The following C12orf60 variants were observed in gnomAD, a reference collection of about 807,000 sequenced individuals.
C12orf60 encodes uncharacterized protein C12orf60.
For missense variants in C12orf60, 284 were observed against 283.2 expected, an observed-to-expected ratio of 1.00 and a Z score of -0.02; for synonymous variants, 102 against 94.6, an observed-to-expected ratio of 1.08 and a Z score of -0.45.
intron 1 of C12orf60, among the ~76,000 whole-genome samples, chr12:14,809,715 TA>T (rs137943124): frequency 6.7e-5 from 10 of 148,834 alleles, no homozygotes; most frequent in East Asian, 2.0e-4. Flanking sequence ...CTAAAACCAA[TA>T]AAAAAAAAGC....
chr12:14,807,849 A>G (rs1950077072), intron 1 of C12orf60, among the ~76,000 whole-genome samples: 1 of 152,210 alleles, frequency 6.6e-6, no homozygotes, highest in Non-Finnish European at 1.5e-5. Flanking sequence ...CGTCAGAAAA[A>G]AAATGCCATT....
chr12:14,822,851 T>C, intron 1 of C12orf60, 61 bp from the exon 2 acceptor site: 2 of 1,408,784 alleles, frequency 1.4e-6, no homozygotes, highest in Non-Finnish European at 9.6e-7. Context: ...ATACTTTCAG[T>C]TTCTTTATGG....
rs180753392 is a variant in C12orf60 at position 14,819,250 on chromosome 12, A to C, written c.-24-3662A>C. Among the ~76,000 whole-genome samples the C allele has an allele frequency of 2.0e-5, 3 of 152,268 alleles. No individual in the cohort carries two copies. The East Asian group carries it at 5.8e-4, about 29-fold the overall frequency. On this transcript the variant is annotated intron_variant, in intron 1 of 1. Transcript: ENST00000330828. ...TTTTTAAAATCTTAGTGCACAGATTATGCACATATATTCTTAGATTTATAT... is the reference window on the plus strand; with the variant it reads ...TTTTTAAAATCTTAGTGCACAGATTCTGCACATATATTCTTAGATTTATAT...
At chr12:14,817,493 T>A (rs1950240232) in intron 1 of C12orf60, among the ~76,000 whole-genome samples, 1 of 152,118 alleles carries the variant, frequency 6.6e-6, no homozygotes, top group South Asian at 2.1e-4. Flanking sequence ...CCCCCACTCC[T>A]CAACTGGCCC....
At chr12:14,805,766 A>G in intron 1 of C12orf60, 1 of 496,278 alleles carries the variant, frequency 2.0e-6, no homozygotes. Flanking sequence ...AGGGTGTGAA[A>G]ACATCCAGGG....
chr12:14,823,056 AT>A lies in C12orf60; in HGVS notation c.122del (p.Met41ArgfsTer7). The A allele has an allele frequency of 6.2e-7, 1 of 1,614,186 alleles. No homozygotes were observed. The highest frequency in any genetic ancestry group is 8.5e-7 in the Non-Finnish European group (1 of 1,180,008). On this transcript the variant is annotated frameshift_variant, in exon 2 of 2. Coordinates refer to ENST00000330828, the MANE Select transcript of C12orf60 (RefSeq NM_175874.4). LOFTEE classifies it low-confidence loss of function (END_TRUNC). ...NTLTELFSRS[M>X]NTQILLMAVK... is the part of the protein sequence containing the mutation. ...ACTGACTGAATTGTTTAGCCGCAGT[AT>A]GAATACTCAAATCCTTTTGATGGCT...
At chr12:14,804,869 GT>G (rs1242048229) in intron 1 of C12orf60, 2 of 152,160 alleles carry the variant, frequency 1.3e-5, no homozygotes, top group African/African-American at 4.8e-5. Flanking sequence ...TACATTTCTT[GT>G]ACTTGGATGG....
In C12orf60 at chr12:14,823,952, T is replaced by C. The variant is rs1029689384; in HGVS notation, c.*279T>C. ...GGATGTTTCTAAATATTGTGTTTCA[T>C]CTTAAAGCATAATTAAAACAACCCT... On this transcript the variant is annotated 3_prime_UTR_variant, in exon 2 of 2. Transcript: ENST00000330828. The C allele has an allele frequency of 4.7e-6, 1 of 214,566 alleles. No homozygotes were observed. The highest frequency in any genetic ancestry group is 9.3e-6 in the Non-Finnish European group (1 of 107,970). The allele number at this position is 214,566 out of a possible 1,614,324, so 13.3% of individuals were successfully genotyped here. A position where few individuals can be genotyped will look rare whatever the true frequency, so the allele number is the denominator to read the frequency against.
At chr12:14,820,250 T>C (rs1182843142) in intron 1 of C12orf60, among the ~76,000 whole-genome samples, 2 of 152,044 alleles carry the variant, frequency 1.3e-5, no homozygotes, top group South Asian at 2.1e-4. Flanking sequence ...TCTCTCTCCT[T>C]TTTTCTCTGG....
chr12:14,810,952 A>G (rs1227352861), intron 1 of C12orf60, among the ~76,000 whole-genome samples: 2 of 152,228 alleles, frequency 1.3e-5, no homozygotes, highest in Non-Finnish European at 2.9e-5. Flanking sequence ...TTTTACAAAC[A>G]ACCCATAATA....
At chr12:14,815,760 T>C (rs1950205592) in intron 1 of C12orf60, among the ~76,000 whole-genome samples, 1 of 152,248 alleles carries the variant, frequency 6.6e-6, no homozygotes, top group South Asian at 2.1e-4. Context: ...CTTAAAACAG[T>C]TGCATTTTGT....
intron 1 of C12orf60, among the ~76,000 whole-genome samples, chr12:14,815,597 AAATCCTTTTAATT>A (rs1396737820): frequency 6.6e-6 from 1 of 152,224 alleles, no homozygotes; most frequent in Non-Finnish European, 1.5e-5. Context: ...AACCATTAAA[AAATCCTTTTAATT>A]ATGGTGTAAT....
chr12:14,816,726 A>G (rs1359559201), intron 1 of C12orf60, among the ~76,000 whole-genome samples: 1 of 151,032 alleles, frequency 6.6e-6, no homozygotes, highest in Non-Finnish European at 1.5e-5. Context: ...GAAATTGCTG[A>G]TCAGGTCTTT....
chr12:14,823,703 GA>G lies in C12orf60; in HGVS notation c.*34del, dbSNP rs778292679. 1 of 1,507,812 alleles carries G rather than the reference GA, an allele frequency of 6.6e-7. No homozygotes were observed. Among genetic ancestry groups the G allele is most frequent in the Non-Finnish European group, 8.8e-7 (1 of 1,132,002 alleles). 93.4% of individuals were successfully genotyped at this position (1,507,812 alleles called of 1,614,324 possible). Reference sequence around the variant, plus strand: ...GCAACAGAAATGTTCATTTCTGTCAGAAAACTACTTAAAATCTTATGGTTTT... The same window carrying G: ...GCAACAGAAATGTTCATTTCTGTCAGAAACTACTTAAAATCTTATGGTTTT... On this transcript the variant is annotated 3_prime_UTR_variant, in exon 2 of 2. Transcript: ENST00000330828.
chr12:14,807,673 C>A (rs1950074547), intron 1 of C12orf60, among the ~76,000 whole-genome samples: 1 of 152,112 alleles, frequency 6.6e-6, no homozygotes, highest in African/African-American at 2.4e-5. Flanking sequence ...ATTCAAGACT[C>A]TTTGGATTAA....
chr12:14,824,205 C>T lies in C12orf60; in HGVS notation c.*532C>T, dbSNP rs939182743. The T allele has an allele frequency of 2.0e-5, 3 of 152,392 alleles. No homozygotes were observed. The highest frequency in any genetic ancestry group is 2.0e-4 in the Admixed American group (3 of 15,296). The allele number at this position is 152,392 out of a possible 1,614,324, so 9.4% of individuals were successfully genotyped here. A position where few individuals can be genotyped will look rare whatever the true frequency, so the allele number is the denominator to read the frequency against. On this transcript the variant is annotated 3_prime_UTR_variant, in exon 2 of 2. Transcript: ENST00000330828. ...AGAACAGTGAATGAGCAATAATAGA[C>T]TTTTCTTGCTTATGTGAGTAAGACC... is the stretch of plus-strand genomic sequence containing the variant.
In C12orf60 at chr12:14,824,376, C is replaced by T. The variant is rs568896351; in HGVS notation, c.*703C>T. 1 of 152,290 alleles carries T rather than the reference C, an allele frequency of 6.6e-6. No individual in the cohort carries two copies. Among genetic ancestry groups the T allele is most frequent in the Non-Finnish European group, 1.5e-5 (1 of 68,022 alleles). The allele number at this position is 152,290 out of a possible 1,614,324, so 9.4% of individuals were successfully genotyped here. A position where few individuals can be genotyped will look rare whatever the true frequency, so the allele number is the denominator to read the frequency against. On this transcript the variant is annotated 3_prime_UTR_variant, in exon 2 of 2. Transcript: ENST00000330828. ...GCAGAAGTAGGATATCTGAGATGTG[C>T]TTTATTTAAAGAAATGAGATAGGGC...
chr12:14,819,632 TGTG>T (rs1400580151), intron 1 of C12orf60, among the ~76,000 whole-genome samples: 1 of 152,172 alleles, frequency 6.6e-6, no homozygotes, highest in Non-Finnish European at 1.5e-5. Flanking sequence ...TTATGTTAGC[TGTG>T]GTTCTTTGTA....
At chr12:14,804,022 A>G (rs1376030561) in intron 1 of C12orf60, among the ~76,000 whole-genome samples, 2 of 152,150 alleles carry the variant, frequency 1.3e-5, no homozygotes, top group African/African-American at 4.8e-5. Context: ...TTTGTAGACC[A>G]CCTGAACAAA....
Sources: gnomAD v4.1 joint callset for allele counts (sites outside exome capture counted in the v4.1 genomes callset) on GRCh38, gnomAD v4.1.1 for gene constraint, MANE v1.5 for transcripts, NCBI Gene and HGNC (gene_info 2026-07-23, HGNC 2026-07-21) for gene names.